ZNF385D: variants seen among roughly 807,000 people sequenced by gnomAD.
ZNF385D encodes the protein zinc finger protein 659.
Under a neutral mutation model 35.8 loss-of-function variants are expected in ZNF385D, and 15 were observed. That is an observed-to-expected ratio of 0.42 (90% CI 0.28 to 0.64). ZNF385D has a LOEUF of 0.64. Among genes scored for constraint, ZNF385D ranks in the 30% least tolerant of loss-of-function variants. The pLI, the probability that ZNF385D is intolerant of heterozygous loss-of-function variation, is 0.23. For synonymous variants in ZNF385D, 212 were observed against 186.8 expected (o/e 1.13, Z -1.10); for missense variants, 474 against 494.6 (o/e 0.96, Z 0.39).
chr3:22,044,238 T>A (rs1353929812), intron 3 of ZNF385D, among the ~76,000 whole-genome samples: 1 of 152,074 alleles, frequency 6.6e-6, no homozygotes, highest in Non-Finnish European at 1.5e-5. Flanking sequence ...ATTTGTTTGT[T>A]TACTCAAAGG....
intron 2 of ZNF385D, among the ~76,000 whole-genome samples, chr3:22,226,807 A>G (rs903097160): frequency 6.6e-5 from 10 of 151,896 alleles, no homozygotes; most frequent in Non-Finnish European, 1.2e-4. Context: ...CTGTCATTTG[A>G]TTATATGACA....
chr3:22,287,783 T>C (rs950083084), intron 2 of ZNF385D, among the ~76,000 whole-genome samples: 4 of 152,076 alleles, frequency 2.6e-5, no homozygotes, highest in African/African-American at 9.7e-5. Context: ...TAAGGTTAAC[T>C]TACACATTGC....
chr3:22,048,548 T>A (rs938735605), intron 3 of ZNF385D, among the ~76,000 whole-genome samples: 5 of 152,202 alleles, frequency 3.3e-5, no homozygotes, highest in Non-Finnish European at 7.3e-5. Context: ...GAAAATCAAT[T>A]GACAACAAAT....
chr3:21,814,691 T>G (rs760094433), intron 3 of ZNF385D, among the ~76,000 whole-genome samples: 3 of 152,306 alleles, frequency 2.0e-5, no homozygotes, highest in Middle Eastern at 3.4e-3. Flanking sequence ...AGCAAGTCCC[T>G]AGCGACCTCC....
rs1199251439 is a variant in ZNF385D at position 21,415,199 on chromosome 3, A to G, written c.*6015T>C. 6.6e-6 allele frequency: 1 copy of G among 152,090 alleles called. No homozygotes were observed. Among genetic ancestry groups the G allele is most frequent in the South Asian group, 2.1e-4 (1 of 4,828 alleles). 9.4% of individuals were successfully genotyped at this position (152,090 alleles called of 1,614,324 possible). A position where few individuals can be genotyped will look rare whatever the true frequency, so the allele number is the denominator to read the frequency against. On this transcript the variant is annotated 3_prime_UTR_variant, in exon 8 of 8. Coordinates refer to ENST00000281523, the MANE Select transcript of ZNF385D (RefSeq NM_024697.3). ...TATTTGTTGTACTGGCAAAAATACA[A>G]TCTGGGTTTCCAATGAAGGCTCTCT...
chr3:21,742,287 G>A (rs2069553036), intron 1 of ZNF385D, among the ~76,000 whole-genome samples: 1 of 152,202 alleles, frequency 6.6e-6, no homozygotes, highest in South Asian at 2.1e-4. Context: ...GAACCAGGAG[G>A]ATTGGTGAAG....
At chr3:22,311,751 C>A (rs1370095160) in intron 2 of ZNF385D, among the ~76,000 whole-genome samples, 2 of 152,040 alleles carry the variant, frequency 1.3e-5, no homozygotes, top group East Asian at 3.9e-4. Flanking sequence ...TATTACGACA[C>A]AAATCTAGTA....
At chr3:21,825,261 G>A (rs1694527776) in intron 3 of ZNF385D, among the ~76,000 whole-genome samples, 1 of 152,104 alleles carries the variant, frequency 6.6e-6, no homozygotes, top group Non-Finnish European at 1.5e-5. Context: ...AACCCCCTTG[G>A]CTCTATGAAG....
At chr3:22,212,872 A>C (rs58672547) in intron 2 of ZNF385D, among the ~76,000 whole-genome samples, 52,878 of 151,796 alleles carry the variant, frequency 0.35, 9,465 homozygotes, top group African/African-American at 0.4. Context: ...ACTTAATTTC[A>C]AGACACTAAT....
chr3:22,322,729 TG>T (rs1433995851), intron 2 of ZNF385D, among the ~76,000 whole-genome samples: 1 of 152,258 alleles, frequency 6.6e-6, no homozygotes, highest in Non-Finnish European at 1.5e-5. Flanking sequence ...TTTTCCCACA[TG>T]CTATTCCTCT....
At chr3:21,938,754 T>C (rs1701377735) in intron 3 of ZNF385D, among the ~76,000 whole-genome samples, 1 of 152,314 alleles carries the variant, frequency 6.6e-6, no homozygotes, top group African/African-American at 2.4e-5. Flanking sequence ...CCACCTTCTA[T>C]GTCCATCTTT....
At position 21,853,250 on chromosome 3, in the gene ZNF385D, T is replaced by C. The variant is rs534695569; in HGVS notation, c.326-188222A>G. Among the ~76,000 whole-genome samples, 48 of 151,996 alleles carry C rather than the reference T, an allele frequency of 3.2e-4. 1 individual carries two copies. Among genetic ancestry groups the C allele is most frequent in the African/African-American group, 9.1e-4 (38 of 41,558 alleles). ...TTTTCTTATTGTTGGCAAGAGTGCC[T>C]ATAATCACTTTCCATAAAAGGACAG... On this transcript the variant is annotated intron_variant, in intron 3 of 5. Transcript: ENST00000494108.
intron 3 of ZNF385D, among the ~76,000 whole-genome samples, chr3:21,822,399 A>G (rs982094248): frequency 6.6e-6 from 1 of 152,188 alleles, no homozygotes; most frequent in Admixed American, 6.5e-5. Context: ...AAATGAAAAG[A>G]AAACTTTTCA....
upstream of ZNF385D, among the ~76,000 whole-genome samples, chr3:21,753,097 T>G (rs541825824): frequency 6.6e-6 from 1 of 152,314 alleles, no homozygotes; most frequent in South Asian, 2.1e-4. Flanking sequence ...CGCTTGCATT[T>G]GCATGACATT....
chr3:22,186,327 A>T (rs1331306256), intron 2 of ZNF385D, among the ~76,000 whole-genome samples: 1 of 152,180 alleles, frequency 6.6e-6, no homozygotes, highest in East Asian at 1.9e-4. Flanking sequence ...GAATAAACAC[A>T]TCCAGAGACA....
chr3:22,292,977 T>C (rs571703564), intron 2 of ZNF385D, among the ~76,000 whole-genome samples: 3 of 152,230 alleles, frequency 2.0e-5, no homozygotes, highest in South Asian at 2.1e-4. Context: ...TAACAATGTA[T>C]ATATATGCAA....
chr3:22,108,861 A>G (rs1702363346), intron 3 of ZNF385D, among the ~76,000 whole-genome samples: 1 of 152,032 alleles, frequency 6.6e-6, no homozygotes, highest in African/African-American at 2.4e-5. Flanking sequence ...AAAAATACAA[A>G]ATTAGCTGTG....
At chr3:21,431,072 AAC>A (rs1273625702) in intron 5 of ZNF385D, 1 of 152,204 alleles carries the variant, frequency 6.6e-6, no homozygotes, top group Non-Finnish European at 1.5e-5. Context: ...CCTCAGTAGT[AAC>A]ACATTTTCAC....
intron 3 of ZNF385D, among the ~76,000 whole-genome samples, chr3:21,964,723 C>T (rs985885543): frequency 1.3e-5 from 2 of 151,488 alleles, no homozygotes; most frequent in Non-Finnish European, 2.9e-5. Context: ...AACTCCTGAC[C>T]TCAGGTGATC....
Sources: allele counts gnomAD v4.1 joint callset (sites outside exome capture counted in the v4.1 genomes callset), GRCh38; gene constraint gnomAD v4.1.1; transcripts MANE v1.5; gene names NCBI Gene and HGNC (gene_info 2026-07-23, HGNC 2026-07-21).